Variants in PCDHGB1 observed in about 807,000 individuals in gnomAD.
PCDHGB1 encodes protocadherin gamma subfamily B, 1, also known as protocadherin gamma-B1.
In PCDHGB1, 34 loss-of-function variants were observed where a neutral mutation model predicts 56.6. The ratio of observed to expected loss-of-function variants is 0.60; its 90% CI spans 0.46 to 0.80. The LOEUF is 0.80. Among genes scored for constraint, PCDHGB1 ranks in the 30% least tolerant of loss-of-function variants. The pLI is 0.00. For synonymous variants in PCDHGB1, 561 were observed against 505.9 expected, an observed-to-expected ratio of 1.11 and a Z score of -1.46; for missense variants, 1,278 against 1,204.6, an observed-to-expected ratio of 1.06 and a Z score of -0.90.
At position 141,491,116 on chromosome 5, in the gene PCDHGB1, GGT is replaced by G. The variant is rs2099708409; in HGVS notation, c.2410-3689_2410-3688del. The G allele has an allele frequency of 1.2e-6, 2 of 1,614,178 alleles. No individual in the cohort carries two copies. Among genetic ancestry groups the G allele is most frequent in the Non-Finnish European group, 1.7e-6 (2 of 1,180,024 alleles). On this transcript the variant is annotated intron_variant, in intron 1 of 3. Transcript: ENST00000523390. This position sits in a 1 kb window ranked among gnomAD's most constrained non-coding sequence, Gnocchi z 6.9. Reference sequence around the variant, plus strand: ...ACTGTTCCTCGTGTCTACACACACTGGTGAGGTGCGCACAGCCCGGGCCTTAC... The same window carrying G: ...ACTGTTCCTCGTGTCTACACACACTGGAGGTGCGCACAGCCCGGGCCTTAC...
At chr5:141,492,132 C>A (rs1289132641) in intron 1 of PCDHGB1, among the ~76,000 whole-genome samples, 3 of 152,220 alleles carry the variant, frequency 2.0e-5, no homozygotes, top group African/African-American at 4.8e-5. Context: ...CAGCTCCCAG[C>A]ATCTGTGACT....
chr5:141,468,868 AAATAAT>A (rs993655754), intron 1 of PCDHGB1, among the ~76,000 whole-genome samples: 1 of 151,794 alleles, frequency 6.6e-6, no homozygotes, highest in Non-Finnish European at 1.5e-5. Context: ...TCCATCTCAA[AAATAAT>A]AATAATAATA....
intron 1 of PCDHGB1, chr5:141,440,430 G>A (rs965990102): frequency 6.6e-6 from 1 of 152,196 alleles, no homozygotes; most frequent in African/African-American, 2.4e-5. Flanking sequence ...CTGGGTGACA[G>A]AGCAAGGCGC....
intron 1 of PCDHGB1, among the ~76,000 whole-genome samples, chr5:141,354,588 A>G (rs1446342747): frequency 6.6e-6 from 1 of 152,214 alleles, no homozygotes; most frequent in Non-Finnish European, 1.5e-5. Flanking sequence ...TTGGGACTAA[A>G]GCCAGACCTC....
intron 1 of PCDHGB1, chr5:141,355,353 C>A (rs1329222262): frequency 6.2e-7 from 1 of 1,614,006 alleles, no homozygotes; most frequent in Non-Finnish European, 8.5e-7. Context: ...TCGCCAAGGA[C>A]CTGGGGTTGG....
At chr5:141,400,316 A>C in intron 1 of PCDHGB1, 1 of 1,614,042 alleles carries the variant, frequency 6.2e-7, no homozygotes. Flanking sequence ...CTCTGTGTCA[A>C]GTCTGGACCT....
At chr5:141,429,599 A>G (rs2097227286) in intron 1 of PCDHGB1, among the ~76,000 whole-genome samples, 1 of 152,238 alleles carries the variant, frequency 6.6e-6, no homozygotes, top group Non-Finnish European at 1.5e-5. Flanking sequence ...TAATTCAAGT[A>G]AACTCAATTT....
In PCDHGB1 at chr5:141,410,110, C is replaced by G. The variant is rs1361292941; in HGVS notation, c.2409+57441C>G. The G allele has an allele frequency of 6.8e-6, 11 of 1,612,422 alleles. No homozygotes were observed. In the African/African-American group the frequency reaches 1.3e-4, roughly 20 times the overall value. ...CGGCTCGAGCCTTAGGCGACAGGGA[C>G]GCAGCCCGCCAGCGCCTGCTGGTCG... is the stretch of plus-strand genomic sequence containing the variant. On this transcript the variant is annotated intron_variant, in intron 1 of 3. Coordinates refer to ENST00000523390, the MANE Select transcript of PCDHGB1 (RefSeq NM_018922.3).
chr5:141,394,850 G>C, intron 1 of PCDHGB1: 1 of 1,613,820 alleles, frequency 6.2e-7, no homozygotes, highest in Non-Finnish European at 8.5e-7. Flanking sequence ...GCAGTCTGAA[G>C]CCTTCGGTCG....
intron 1 of PCDHGB1, chr5:141,388,588 C>T: frequency 6.2e-7 from 1 of 1,613,876 alleles, no homozygotes; most frequent in Non-Finnish European, 8.5e-7. Context: ...GTGACTGATG[C>T]CAATGATAAT....
chr5:141,392,628 A>T (rs2092566593), intron 1 of PCDHGB1: 1 of 588,334 alleles, frequency 1.7e-6, no homozygotes, highest in South Asian at 2.7e-5. Context: ...AAACACTCAG[A>T]TCTCACACCT....
In PCDHGB1 at chr5:141,393,378, G is replaced by A. The variant is rs1207426335; in HGVS notation, c.2409+40709G>A. On this transcript the variant is annotated intron_variant, in intron 1 of 3. Coordinates refer to ENST00000523390, the MANE Select transcript of PCDHGB1 (RefSeq NM_018922.3). ...GGACGTGCAGACTGGAGACAATGGA[G>A]CCATAAACCCAGAGCTGGTGCTGGA... The A allele has an allele frequency of 1.9e-6, 3 of 1,613,982 alleles. No individual in the cohort carries two copies. The highest frequency in any genetic ancestry group is 2.2e-5 in the East Asian group (1 of 44,866).
intron 1 of PCDHGB1, chr5:141,384,393 G>A (rs763875742): frequency 1.2e-6 from 2 of 1,613,790 alleles, no homozygotes; most frequent in Non-Finnish European, 1.7e-6. Context: ...CCATCCAGGG[G>A]GCTCCAGTGT....
intron 1 of PCDHGB1, chr5:141,384,677 C>T (rs919957351): frequency 2.5e-6 from 4 of 1,614,188 alleles, no homozygotes; most frequent in South Asian, 1.1e-5. Context: ...AAGGTGGTGG[C>T]GGTGGACAAA....
In PCDHGB1 at chr5:141,486,959, G is replaced by A. The variant is rs1161675143; in HGVS notation, c.2410-7848G>A. The A allele has an allele frequency of 1.9e-6, 3 of 1,614,098 alleles. No individual in the cohort carries two copies. In the African/African-American group the frequency reaches 4.0e-5, roughly 22 times the overall value. On this transcript the variant is annotated intron_variant, in intron 1 of 3. Transcript: ENST00000523390. The surrounding 1 kb of genome is among the most constrained non-coding windows in gnomAD (Gnocchi z 5.0). ...CCACCTAATCACAAAGGTGACTGCTGTGGACTTGGATTCAGGTTACAATGC... is the reference window on the plus strand; with the variant it reads ...CCACCTAATCACAAAGGTGACTGCTATGGACTTGGATTCAGGTTACAATGC...
Position 141,489,714 on chromosome 5 carries a change from G to C in PCDHGB1, c.2410-5093G>C, listed in dbSNP as rs770143357. On this transcript the variant is annotated intron_variant, in intron 1 of 3. Coordinates refer to ENST00000523390, the MANE Select transcript of PCDHGB1 (RefSeq NM_018922.3). The surrounding 1 kb of genome is among the most constrained non-coding windows in gnomAD (Gnocchi z 4.5). Reference sequence around the variant, plus strand: ...CACGATTCCCACTGGACAGTGCCCAGGATCCGGATGTGGGCACCAATACTG... The same window carrying C: ...CACGATTCCCACTGGACAGTGCCCACGATCCGGATGTGGGCACCAATACTG... 7.4e-6 allele frequency: 12 copies of C among 1,613,958 alleles called. No individual in the cohort carries two copies. The highest frequency in any genetic ancestry group is 1.0e-5 in the Non-Finnish European group (12 of 1,179,930).
At chr5:141,355,702 C>T (rs1051426274) in intron 1 of PCDHGB1, 53 of 1,613,866 alleles carry the variant, frequency 3.3e-5, no homozygotes, top group Non-Finnish European at 4.4e-5. Context: ...AAACTCCCTG[C>T]AGGGTTACCA....
chr5:141,402,882 G>C, intron 1 of PCDHGB1: 2 of 1,479,680 alleles, frequency 1.4e-6, no homozygotes, highest in East Asian at 4.8e-5. Context: ...TACTTTGCAG[G>C]GTGGAAGAAA....
At chr5:141,405,582 C>T in intron 1 of PCDHGB1, 3 of 589,180 alleles carry the variant, frequency 5.1e-6, no homozygotes, top group African/African-American at 1.9e-5. Context: ...GTAGCTGGGA[C>T]TACAGGCCTC....
Sources: gnomAD v4.1 joint callset for allele counts (sites outside exome capture counted in the v4.1 genomes callset) on GRCh38, gnomAD v4.1.1 for gene constraint, Gnocchi (gnomAD v3.1) non-coding constraint, MANE v1.5 for transcripts, NCBI Gene and HGNC (gene_info 2026-07-23, HGNC 2026-07-21) for gene names.